The following PRR5 variants were observed in gnomAD, a reference collection of about 807,000 sequenced individuals.
PRR5 encodes proline rich 5.
A neutral mutation model predicts 30.6 loss-of-function variants in PRR5; 25 were observed. That is an observed-to-expected ratio of 0.82 (90% CI 0.60 to 1.14). The LOEUF (loss-of-function observed/expected upper bound fraction) is 1.14, where lower values mean the gene tolerates loss of function less well. Among genes scored for constraint, PRR5 ranks in the 50% most tolerant of loss-of-function variants. The pLI is 0.00. For synonymous variants in PRR5, 286 were observed against 247.1 expected (o/e 1.16, Z -1.48); for missense variants, 600 against 547.1 (o/e 1.10, Z -0.96).
In PRR5 at chr22:44,726,650, T is replaced by A. The variant is rs766739450; in HGVS notation, c.322+16T>A. The A allele has an allele frequency of 3.7e-6, 6 of 1,613,986 alleles. No homozygotes were observed. Among genetic ancestry groups the A allele is most frequent in the Non-Finnish European group, 3.4e-6 (4 of 1,180,022 alleles). ...TTCTATGAGGGTGAGTGTGGGCCCC[T>A]TGGCGGCCACTCTGGGCCATGCTGG... is the stretch of plus-strand genomic sequence containing the variant. On this transcript the variant is annotated intron_variant, in intron 4 of 7. Coordinates refer to ENST00000336985, the MANE Select transcript of PRR5 (RefSeq NM_181333.4).
chr22:44,683,488 GAGA>G (rs1569065613), intron 1 of PRR5, among the ~76,000 whole-genome samples: 1 of 152,244 alleles, frequency 6.6e-6, no homozygotes, highest in East Asian at 1.9e-4. Context: ...AGAAACTGCC[GAGA>G]AGATCTGAAT....
intron 6 of PRR5, among the ~76,000 whole-genome samples, chr22:44,733,770 C>T (rs1172566485): frequency 6.6e-6 from 1 of 152,140 alleles, no homozygotes; most frequent in Non-Finnish European, 1.5e-5. Context: ...CTGTGGGCAC[C>T]TGTGGAGTCC....
chr22:44,729,907 G>A, intron 4 of PRR5: 4 of 985,498 alleles, frequency 4.1e-6, no homozygotes, highest in Non-Finnish European at 4.8e-6. Context: ...TCCTGCCGCG[G>A]CGGAGGGGGA....
At chr22:44,689,310 C>T (rs908095952) in intron 1 of PRR5, among the ~76,000 whole-genome samples, 2 of 152,184 alleles carry the variant, frequency 1.3e-5, no homozygotes, top group African/African-American at 2.4e-5. Flanking sequence ...CCAGCTTAGC[C>T]ACCTACCAGC....
intron 1 of PRR5, among the ~76,000 whole-genome samples, chr22:44,712,818 G>T (rs1928462590): frequency 6.6e-6 from 1 of 152,176 alleles, no homozygotes; most frequent in Non-Finnish European, 1.5e-5. Context: ...GTTGTACCCA[G>T]ACCTGGTTCT....
chr22:44,716,036 C>T (rs1929002095), intron 2 of PRR5, among the ~76,000 whole-genome samples: 1 of 152,240 alleles, frequency 6.6e-6, no homozygotes, highest in African/African-American at 2.4e-5. Context: ...GGACATCCTT[C>T]TCCCCTGCCC....
chr22:44,710,537 G>A (rs1928038811), intron 1 of PRR5, among the ~76,000 whole-genome samples: 2 of 152,240 alleles, frequency 1.3e-5, no homozygotes, highest in Non-Finnish European at 2.9e-5. Context: ...CAGAGGGGCA[G>A]CTGGGGTTTC....
intron 4 of PRR5, chr22:44,730,071 C>A (rs1416662861): frequency 1.0e-6 from 1 of 985,326 alleles, no homozygotes; most frequent in Non-Finnish European, 1.2e-6. Flanking sequence ...AAAGATGGGA[C>A]CCAGTCCAGC....
chr22:44,715,469 A>T (rs1928913910), intron 2 of PRR5, among the ~76,000 whole-genome samples: 1 of 152,156 alleles, frequency 6.6e-6, no homozygotes, highest in Non-Finnish European at 1.5e-5. Flanking sequence ...CTGTGTGGCA[A>T]AGCTGAAGGG....
At chr22:44,702,126 G>C, upstream of PRR5, 7 of 203,212 alleles carry the variant, frequency 3.4e-5, no homozygotes, top group Non-Finnish European at 6.3e-5. Context: ...CCCCGCCCGC[G>C]ATGCCCCCGC....
intron 1 of PRR5, chr22:44,679,874 G>A: frequency 1.9e-6 from 3 of 1,583,062 alleles, no homozygotes; most frequent in Non-Finnish European, 2.6e-6. Context: ...CGCAGCCTGA[G>A]GGCTTGTACA....
chr22:44,731,863 C>T, intron 5 of PRR5, 42 bp downstream of exon 5: 3 of 1,587,038 alleles, frequency 1.9e-6, no homozygotes, highest in Non-Finnish European at 1.7e-6. Flanking sequence ...AGTGCCCCTG[C>T]TGTGCCCACC....
Position 44,731,796 on chromosome 22 carries a change from TGCAG to T in PRR5, c.392_395del (p.Gln131ProfsTer29). 6.2e-7 allele frequency: 1 copy of T among 1,613,620 alleles called. No individual in the cohort carries two copies. The highest frequency in any genetic ancestry group is 8.5e-7 in the Non-Finnish European group (1 of 1,180,010). On this transcript the variant is annotated frameshift_variant, in exon 5 of 8. Transcript: ENST00000336985. LOFTEE classifies it high-confidence loss of function. ...TTCTTCAGTGACGTGCTGCCCATGC[TGCAG>T]GCCATCTTCTACCCGGTGCAGGTGG...
intron 1 of PRR5, among the ~76,000 whole-genome samples, chr22:44,704,659 C>T (rs1356890531): frequency 1.3e-5 from 2 of 152,042 alleles, no homozygotes; most frequent in African/African-American, 2.4e-5. Flanking sequence ...AGGCCAGCCC[C>T]GTTCACTGCC....
chr22:44,670,531 A>G (rs1051708378), intron 1 of PRR5, among the ~76,000 whole-genome samples: 8 of 152,162 alleles, frequency 5.3e-5, no homozygotes, highest in African/African-American at 1.9e-4. Context: ...GAAGTGTGGT[A>G]CCCCACGTCG....
At chr22:44,674,365 G>A (rs113957223), upstream of PRR5, among the ~76,000 whole-genome samples, 4,269 of 152,042 alleles carry the variant, frequency 0.028, 173 homozygotes, top group African/African-American at 0.096. Flanking sequence ...GCCAGGCACG[G>A]TGGCTCATGC....
At chr22:44,699,922 G>C (rs1265810688), upstream of PRR5, among the ~76,000 whole-genome samples, 1 of 79,658 alleles carries the variant, frequency 1.3e-5, no homozygotes, top group Non-Finnish European at 2.4e-5. Flanking sequence ...TATGTTTTTT[G>C]TTGTTGTTTT....
intron 1 of PRR5, among the ~76,000 whole-genome samples, chr22:44,707,139 C>G (rs563699844): frequency 7.9e-4 from 120 of 152,342 alleles, no homozygotes; most frequent in African/African-American, 2.6e-3. Flanking sequence ...TGTCCCTGTT[C>G]CCTGCTAGCT....
In PRR5 at chr22:44,731,918, C is replaced by T. The variant is rs1922058365; in HGVS notation, c.414+97C>T. On this transcript the variant is annotated intron_variant, in intron 5 of 7. Transcript: ENST00000336985. The stretch of plus-strand genomic sequence containing the variant: ...GGGGGCCGCCAGGCTTGGGGACACA[C>T]ACACCTGCTCTGCTCTGTGCTGCTC... The T allele has an allele frequency of 8.0e-6, 10 of 1,254,298 alleles. 1 individual carries two copies. Among genetic ancestry groups the T allele is most frequent in the Non-Finnish European group, 1.1e-5 (10 of 901,252 alleles). The allele number at this position is 1,254,298 out of a possible 1,614,324, so 77.7% of individuals were successfully genotyped here.
Sources: gnomAD v4.1 joint callset for allele counts (sites outside exome capture counted in the v4.1 genomes callset) on GRCh38, gnomAD v4.1.1 for gene constraint, MANE v1.5 for transcripts, NCBI Gene and HGNC (gene_info 2026-07-23, HGNC 2026-07-21) for gene names.